PRDM6: variants seen among roughly 807,000 people sequenced by gnomAD.
PRDM6 encodes putative histone-lysine N-methyltransferase PRDM6.
Under a neutral mutation model 60.8 loss-of-function variants are expected in PRDM6, and 25 were observed. The ratio of observed to expected loss-of-function variants is 0.41; its 90% CI spans 0.30 to 0.57. The LOEUF (loss-of-function observed/expected upper bound fraction) is 0.57. Among genes scored for constraint, PRDM6 ranks in the 20% least tolerant of loss-of-function variants. PRDM6 has a pLI of 0.27. For synonymous variants in PRDM6, 407 were observed against 357.4 expected (o/e 1.14, Z -1.57); for missense variants, 839 against 821.3 (o/e 1.02, Z -0.26).
At chr5:123,178,364 T>C (rs1766064722) in intron 6 of PRDM6, among the ~76,000 whole-genome samples, 2 of 152,208 alleles carry the variant, frequency 1.3e-5, no homozygotes, top group African/African-American at 4.8e-5. Flanking sequence ...ATTTTGTTTA[T>C]AATCTTCAAT....
At chr5:123,185,848 GCCTA>G (rs1271300124) in intron 7 of PRDM6, among the ~76,000 whole-genome samples, 1 of 152,164 alleles carries the variant, frequency 6.6e-6, no homozygotes, top group South Asian at 2.1e-4. Context: ...AGAGTGGAAT[GCCTA>G]ACAGATAACA....
rs1179420618 is a variant in PRDM6 at position 123,188,324 on chromosome 5, G to A, written c.*1123G>A. Reference sequence around the variant, plus strand: ...GGTTAGAACAGATAGCCCAGGAGCAGCTAATTTTATCAATAGGATTACTTT... The same window carrying A: ...GGTTAGAACAGATAGCCCAGGAGCAACTAATTTTATCAATAGGATTACTTT... On this transcript the variant is annotated 3_prime_UTR_variant, in exon 8 of 8. Coordinates refer to ENST00000407847, the MANE Select transcript of PRDM6 (RefSeq NM_001136239.4). 1 of 152,152 alleles carries A rather than the reference G, an allele frequency of 6.6e-6. No homozygotes were observed. The highest frequency in any genetic ancestry group is 2.4e-5 in the African/African-American group (1 of 41,434). 9.4% of individuals were successfully genotyped at this position (152,152 alleles called of 1,614,324 possible).
chr5:123,186,568 C>T (rs1580547799), intron 7 of PRDM6, among the ~76,000 whole-genome samples: 1 of 152,160 alleles, frequency 6.6e-6, no homozygotes, highest in South Asian at 2.1e-4. Context: ...AAAAAAGCAG[C>T]GACCACGCCT....
At chr5:123,108,192 T>A (rs980192284) in intron 3 of PRDM6, among the ~76,000 whole-genome samples, 2 of 152,196 alleles carry the variant, frequency 1.3e-5, no homozygotes, top group Admixed American at 1.3e-4. Context: ...CTCTCTGTGG[T>A]CATTTTAAAT....
rs1765486289 is a variant in PRDM6 at position 123,155,918 on chromosome 5, T to C, written c.935T>C (p.Ile312Thr). ...YDQDGTLQHF[I>T]DGGEPSKSSW... ...CAGGATGGGACACTACAGCACTTTA[T>C]TGATGGTGGGGAACCTAGTAAGTCG... Residue 312 changes from isoleucine (I) to threonine (T), a missense_variant, in exon 4 of 8, where the codon ATT becomes ACT. Around this residue, in one of 2 missense-constraint regions of PRDM6, gnomAD observed 730 missense variants for 648.8 expected, o/e 1.13. Transcript: ENST00000407847. 2 of 1,551,644 alleles carry C rather than the reference T, an allele frequency of 1.3e-6. No homozygotes were observed. The highest frequency in any genetic ancestry group is 1.7e-6 in the Non-Finnish European group (2 of 1,146,908).
In PRDM6 at chr5:123,188,544, G is replaced by A. The variant is rs1561893508; in HGVS notation, c.*1343G>A. On this transcript the variant is annotated 3_prime_UTR_variant, in exon 8 of 8. Transcript: ENST00000407847. ...GCTGATAGCTCCCAGCAGCATCTCA[G>A]CGACTGTCTACCTTGATGGCCAGTT... is the stretch of plus-strand genomic sequence containing the variant. 6.6e-6 allele frequency: 1 copy of A among 152,182 alleles called. No individual in the cohort carries two copies. The highest frequency in any genetic ancestry group is 1.9e-4 in the East Asian group (1 of 5,188). 9.4% of individuals were successfully genotyped at this position (152,182 alleles called of 1,614,324 possible). A position where few individuals can be genotyped will look rare whatever the true frequency, so the allele number is the denominator to read the frequency against.
chr5:123,107,577 G>C (rs1373053691), intron 3 of PRDM6, among the ~76,000 whole-genome samples: 1 of 152,194 alleles, frequency 6.6e-6, no homozygotes, highest in African/African-American at 2.4e-5. Flanking sequence ...CAAAGTAACT[G>C]ACTTTGAGAC....
chr5:123,177,159 A>G (rs1298205256), intron 6 of PRDM6, among the ~76,000 whole-genome samples: 2 of 152,208 alleles, frequency 1.3e-5, no homozygotes, highest in Non-Finnish European at 2.9e-5. Flanking sequence ...TTTTGAACGT[A>G]TTCCTGTTTC....
At chr5:123,123,806 C>T (rs568082242) in intron 3 of PRDM6, among the ~76,000 whole-genome samples, 3 of 152,096 alleles carry the variant, frequency 2.0e-5, no homozygotes, top group Non-Finnish European at 2.9e-5. Context: ...TTCTGGCTGC[C>T]TCAGTCCTGT....
intron 5 of PRDM6, 37 bp downstream of exon 5, chr5:123,159,675 T>A: frequency 6.5e-7 from 1 of 1,544,410 alleles, no homozygotes; most frequent in Admixed American, 2.0e-5. Flanking sequence ...CACATTTCAA[T>A]ATACCTATTT....
chr5:123,164,495 T>G (rs1380063958), intron 5 of PRDM6, among the ~76,000 whole-genome samples: 1 of 152,180 alleles, frequency 6.6e-6, no homozygotes, highest in Non-Finnish European at 1.5e-5. Context: ...TTGTACTACT[T>G]GCCAGCTATG....
At chr5:123,163,076 T>A (rs1335577821) in intron 5 of PRDM6, among the ~76,000 whole-genome samples, 1 of 151,884 alleles carries the variant, frequency 6.6e-6, no homozygotes, top group Non-Finnish European at 1.5e-5. Context: ...AAAAAGAAGC[T>A]TGAGATCAAA....
chr5:123,092,665 GTTT>G lies in PRDM6; in HGVS notation c.592+2060_592+2062del, dbSNP rs1382147092. ...TTTGAGCCAACTGGATTGTTTCAGT[GTTT>G]GAAGTGCAGGGGAAAAGACAGAAGG... is the stretch of plus-strand genomic sequence containing the variant. On this transcript the variant is annotated intron_variant, in intron 2 of 7. Transcript: ENST00000407847. 2.9e-3 allele frequency among the ~76,000 whole-genome samples: 444 copies of G among 152,284 alleles called. 1 individual carries two copies. The highest frequency in any genetic ancestry group is 0.01 in the African/African-American group (420 of 41,560).
chr5:123,171,974 A>C (rs1360885890), intron 6 of PRDM6, among the ~76,000 whole-genome samples: 1 of 152,222 alleles, frequency 6.6e-6, no homozygotes, highest in Non-Finnish European at 1.5e-5. Context: ...ACTTGATTAA[A>C]ATCCAAGTAT....
chr5:123,143,929 T>C (rs193249826), intron 3 of PRDM6, among the ~76,000 whole-genome samples: 1 of 152,328 alleles, frequency 6.6e-6, no homozygotes, highest in East Asian at 1.9e-4. Flanking sequence ...GGCAGTGTGG[T>C]CCAGTCAGGG....
chr5:123,106,427 T>TA (rs1022606834), intron 3 of PRDM6, among the ~76,000 whole-genome samples: 1 of 152,012 alleles, frequency 6.6e-6, no homozygotes, highest in African/African-American at 2.4e-5. Flanking sequence ...GGCTTGGTGG[T>TA]AAAAAATGGC....
At chr5:123,180,349 T>G (rs1766120748) in intron 7 of PRDM6, 26 bp downstream of exon 7, 7 of 1,528,966 alleles carry the variant, frequency 4.6e-6, no homozygotes, top group Non-Finnish European at 6.2e-6. Flanking sequence ...CCCTCCACCC[T>G]CTCTTTCTCT....
rs964316243 is a variant in PRDM6, at chr5:123,190,928, C to A, written c.*3727C>A. 6.6e-6 allele frequency: 1 copy of A among 152,166 alleles called. No individual in the cohort carries two copies. Among genetic ancestry groups the A allele is most frequent in the African/African-American group, 2.4e-5 (1 of 41,432 alleles). The allele number at this position is 152,166 out of a possible 1,614,324, so 9.4% of individuals were successfully genotyped here. ...AGTGAAGTTAAAGATTTTGTTCCAA[C>A]TGGGAAAATCTGAGAGAGGTAAATT... is the stretch of plus-strand genomic sequence containing the variant. On this transcript the variant is annotated 3_prime_UTR_variant, in exon 8 of 8. Coordinates refer to ENST00000407847, the MANE Select transcript of PRDM6 (RefSeq NM_001136239.4).
chr5:123,148,239 A>G (rs1357978352), intron 3 of PRDM6, among the ~76,000 whole-genome samples: 1 of 152,244 alleles, frequency 6.6e-6, no homozygotes, highest in Non-Finnish European at 1.5e-5. Context: ...AGTACAGTAT[A>G]TAGCTTTATA....
Sources: allele counts gnomAD v4.1 joint callset (sites outside exome capture counted in the v4.1 genomes callset), GRCh38; gene constraint gnomAD v4.1.1; regional missense constraint gnomAD v4.1.1; transcripts MANE v1.5; gene names NCBI Gene and HGNC (gene_info 2026-07-23, HGNC 2026-07-21).